SHTN1: variants seen among roughly 807,000 people sequenced by gnomAD.
SHTN1 encodes shootin 1, also known as shootin-1.
In SHTN1, 42 loss-of-function variants were observed where a neutral mutation model predicts 83.1. The observed-to-expected ratio is 0.51, with a 90% confidence interval of 0.39 to 0.65. The LOEUF is 0.65. SHTN1 is among the 30% of genes least tolerant of loss of function. The probability of loss-of-function intolerance (pLI) is 0.00; values close to 1 mark genes in which losing one functional copy is unlikely to be tolerated. For synonymous variants in SHTN1, 224 were observed against 247.7 expected, an observed-to-expected ratio of 0.90 and a Z score of 0.90; for missense variants, 622 against 737.8, an observed-to-expected ratio of 0.84 and a Z score of 1.82.
intron 1 of SHTN1, among the ~76,000 whole-genome samples, chr10:117,084,894 C>T (rs1313902761): frequency 6.6e-6 from 1 of 152,204 alleles, no homozygotes; most frequent in African/African-American, 2.4e-5. Flanking sequence ...CCTGCTTCGG[C>T]TCGCGCACGG....
At chr10:116,950,891 A>G (rs950876425) in intron 6 of SHTN1, among the ~76,000 whole-genome samples, 3 of 152,176 alleles carry the variant, frequency 2.0e-5, no homozygotes, top group Non-Finnish European at 4.4e-5. Flanking sequence ...AAATGACAAT[A>G]TGTGTGTGCA....
At chr10:117,086,758 C>G (rs1853358134) in intron 1 of SHTN1, among the ~76,000 whole-genome samples, 1 of 152,068 alleles carries the variant, frequency 6.6e-6, no homozygotes, top group Admixed American at 6.6e-5. Flanking sequence ...TAGGTGTATA[C>G]CCGAAAGAAT....
intron 1 of SHTN1, among the ~76,000 whole-genome samples, chr10:117,121,837 C>T (rs1853932799): frequency 6.6e-6 from 1 of 151,996 alleles, no homozygotes; most frequent in Non-Finnish European, 1.5e-5. Flanking sequence ...TCGAGACCAT[C>T]CTGGCTAACA....
At chr10:117,007,932 C>T (rs1478134772), upstream of SHTN1, among the ~76,000 whole-genome samples, 2 of 149,976 alleles carry the variant, frequency 1.3e-5, no homozygotes, top group African/African-American at 2.5e-5. Flanking sequence ...CACTTGAACC[C>T]GAGAGGCGAA....
intron 1 of SHTN1, among the ~76,000 whole-genome samples, chr10:117,088,517 C>G (rs1225681192): frequency 6.6e-6 from 1 of 152,076 alleles, no homozygotes; most frequent in Non-Finnish European, 1.5e-5. Context: ...GAAAAAGAAA[C>G]TGGAATTATA....
intron 1 of SHTN1, among the ~76,000 whole-genome samples, chr10:117,056,210 C>T (rs971295163): frequency 5.3e-5 from 8 of 152,110 alleles, no homozygotes; most frequent in Non-Finnish European, 1.2e-4. Context: ...CTTACCAACT[C>T]AATGTATGAG....
intron 1 of SHTN1, among the ~76,000 whole-genome samples, chr10:117,059,650 A>G (rs1419453119): frequency 2.0e-5 from 3 of 152,220 alleles, no homozygotes; most frequent in Non-Finnish European, 4.4e-5. Context: ...TTCCATTTGT[A>G]TAAGATTCTT....
intron 2 of SHTN1, 89 bp downstream of exon 2, chr10:116,979,167 T>G (rs1850922099): frequency 9.2e-7 from 1 of 1,091,466 alleles, no homozygotes; most frequent in Non-Finnish European, 1.4e-6. Context: ...CTCATTCACA[T>G]TTAACTGAAA....
At chr10:117,004,093 G>C (rs1199768639) in intron 1 of SHTN1, among the ~76,000 whole-genome samples, 3 of 151,976 alleles carry the variant, frequency 2.0e-5, no homozygotes, top group Non-Finnish European at 4.4e-5. Context: ...CTCCATGTTG[G>C]TTAGGCTGGT....
chr10:117,113,264 C>T (rs554703732), intron 1 of SHTN1, among the ~76,000 whole-genome samples: 3 of 152,268 alleles, frequency 2.0e-5, no homozygotes, highest in Non-Finnish European at 2.9e-5. Context: ...AACACAAATT[C>T]GGTTTTGCCC....
chr10:117,124,303 G>A (rs1011164579), intron 1 of SHTN1, among the ~76,000 whole-genome samples: 1 of 152,000 alleles, frequency 6.6e-6, no homozygotes, highest in Non-Finnish European at 1.5e-5. Context: ...TGAAAAAAGT[G>A]GACCCTGAAT....
chr10:117,022,915 C>A (rs116363191), intron 2 of SHTN1, among the ~76,000 whole-genome samples: 1,670 of 152,194 alleles, frequency 0.011, 31 homozygotes, highest in African/African-American at 0.039. Context: ...AAAACTCTGT[C>A]TAAAATAAAC....
At chr10:117,041,117 G>A (rs935715890) in intron 2 of SHTN1, among the ~76,000 whole-genome samples, 2 of 151,230 alleles carry the variant, frequency 1.3e-5, no homozygotes, top group Non-Finnish European at 2.9e-5. Flanking sequence ...CCCACAACAG[G>A]CCCCGGTGTT....
intron 3 of SHTN1, among the ~76,000 whole-genome samples, chr10:116,962,078 T>C (rs1346790121): frequency 8.1e-6 from 1 of 124,182 alleles, no homozygotes. Context: ...TCTTCTCTTC[T>C]ATCTCTTGTT....
At position 116,883,128 on chromosome 10, in the gene SHTN1, C is replaced by T. The variant is rs1216288718; in HGVS notation, c.*3216G>A. 6.6e-6 allele frequency: 1 copy of T among 151,960 alleles called. No homozygotes were observed. The highest frequency in any genetic ancestry group is 6.5e-5 in the Admixed American group (1 of 15,268). The allele number at this position is 151,960 out of a possible 1,614,324, so 9.4% of individuals were successfully genotyped here. ...CAAAGAGGTGATTTATTACAATAACCAGGTCAGCAGTGTGACTTCAACACA... is the reference window on the plus strand; with the variant it reads ...CAAAGAGGTGATTTATTACAATAACTAGGTCAGCAGTGTGACTTCAACACA... On this transcript the variant is annotated 3_prime_UTR_variant, in exon 17 of 17. Transcript: ENST00000355371.
intron 2 of SHTN1, among the ~76,000 whole-genome samples, chr10:116,968,984 C>A (rs1158860257): frequency 6.6e-6 from 1 of 152,190 alleles, no homozygotes; most frequent in Non-Finnish European, 1.5e-5. Flanking sequence ...GATTTAACAT[C>A]CTTGAGTTAA....
chr10:116,944,060 T>C (rs980425631), intron 8 of SHTN1, among the ~76,000 whole-genome samples: 2 of 152,182 alleles, frequency 1.3e-5, no homozygotes, highest in East Asian at 1.9e-4. Flanking sequence ...ATGTACTACA[T>C]GGCAGTGTTC....
upstream of SHTN1, among the ~76,000 whole-genome samples, chr10:117,006,240 GTTT>G (rs11434853): frequency 1.2e-4 from 18 of 147,250 alleles, no homozygotes; most frequent in South Asian, 4.2e-4. Context: ...GTTTTTTTTT[GTTT>G]TTTTTTTGTT....
intron 2 of SHTN1, among the ~76,000 whole-genome samples, chr10:116,971,368 C>T (rs751344213): frequency 6.6e-6 from 1 of 152,172 alleles, no homozygotes; most frequent in Non-Finnish European, 1.5e-5. Context: ...TCAGCTTAAA[C>T]AAACAACATT....
Sources: gnomAD v4.1 joint callset for allele counts (sites outside exome capture counted in the v4.1 genomes callset) on GRCh38, gnomAD v4.1.1 for gene constraint, MANE v1.5 for transcripts, NCBI Gene and HGNC (gene_info 2026-07-23, HGNC 2026-07-21) for gene names.